The following NCKAP5 variants were observed in gnomAD, a reference collection of about 807,000 sequenced individuals.
NCKAP5 encodes nck-associated protein 5.
NCKAP5 carries 92 observed loss-of-function variants against 167.0 expected under a neutral mutation model. That is an observed-to-expected ratio of 0.55 (90% CI 0.47 to 0.66). The LOEUF (loss-of-function observed/expected upper bound fraction) is 0.66. NCKAP5 is among the 30% of genes least tolerant of loss of function. The pLI is 0.00. For missense variants in NCKAP5, 2,378 were observed against 2,315.0 expected, an observed-to-expected ratio of 1.03 and a Z score of -0.56; for synonymous variants, 891 against 877.4, an observed-to-expected ratio of 1.02 and a Z score of -0.27.
At chr2:133,225,805 T>TTTTC (rs1464681192) in intron 4 of NCKAP5, among the ~76,000 whole-genome samples, 2 of 142,112 alleles carry the variant, frequency 1.4e-5, no homozygotes, top group Non-Finnish European at 3.0e-5. Context: ...TTTTTTTTTT[T>TTTTC]CGGAGTCTCC....
intron 11 of NCKAP5, among the ~76,000 whole-genome samples, chr2:132,798,538 T>C (rs1201305078): frequency 6.6e-6 from 1 of 152,186 alleles, no homozygotes; most frequent in African/African-American, 2.4e-5. Context: ...CTCAATGGAT[T>C]AGCTATCTAA....
chr2:132,867,730 C>T (rs1690468744), intron 10 of NCKAP5, among the ~76,000 whole-genome samples: 1 of 152,168 alleles, frequency 6.6e-6, no homozygotes, highest in Non-Finnish European at 1.5e-5. Context: ...GCTAGGGACC[C>T]CAAGGACTTT....
chr2:133,130,556 A>C (rs2082564583), intron 5 of NCKAP5, among the ~76,000 whole-genome samples: 1 of 152,236 alleles, frequency 6.6e-6, no homozygotes. Flanking sequence ...CAAAAATTTC[A>C]AGTTAATTAG....
rs562084138 is a variant in NCKAP5 at position 132,779,907 on chromosome 2, C to T, written c.5049+1145G>A. Among the ~76,000 whole-genome samples the T allele has an allele frequency of 4.9e-4, 75 of 152,094 alleles. 1 individual carries two copies. Among genetic ancestry groups the T allele is most frequent in the South Asian group, 2.3e-3 (11 of 4,808 alleles). ...TTTCCCTCAGAAAATTGTAGTATGT[C>T]CTATATTTTAATAATCTCTTTATTA... is the stretch of plus-strand genomic sequence containing the variant. On this transcript the variant is annotated intron_variant, in intron 15 of 19. Coordinates refer to ENST00000409261, the MANE Select transcript of NCKAP5 (RefSeq NM_207363.3).
At chr2:133,054,986 T>G (rs182307682) in intron 6 of NCKAP5, among the ~76,000 whole-genome samples, 3 of 152,276 alleles carry the variant, frequency 2.0e-5, no homozygotes, top group East Asian at 3.9e-4. Flanking sequence ...GGCCTCACAG[T>G]TGTCTATTGA....
At chr2:132,842,120 C>G (rs1181233839) in intron 11 of NCKAP5, among the ~76,000 whole-genome samples, 2 of 152,060 alleles carry the variant, frequency 1.3e-5, no homozygotes, top group African/African-American at 4.8e-5. Flanking sequence ...GGACCTTTTT[C>G]AATGGTAGGT....
chr2:133,446,629 A>G (rs1188238043), intron 3 of NCKAP5, among the ~76,000 whole-genome samples: 2 of 152,218 alleles, frequency 1.3e-5, no homozygotes, highest in African/African-American at 2.4e-5. Context: ...CTGCCGCTCT[A>G]TCATGAGCCT....
chr2:133,635,379 C>T, the NCKAP5 span, among the ~76,000 whole-genome samples: 9 of 152,232 alleles, frequency 5.9e-5, no homozygotes, highest in South Asian at 1.9e-3. Context: ...AAAATGATGA[C>T]AATGCATAAA....
chr2:132,903,963 CAT>C (rs759972640), intron 8 of NCKAP5, among the ~76,000 whole-genome samples: 4 of 152,044 alleles, frequency 2.6e-5, no homozygotes, highest in Non-Finnish European at 5.9e-5. Flanking sequence ...TTTCTTGTGA[CAT>C]AGAGTAAATA....
chr2:132,819,216 C>T (rs1456767564), intron 11 of NCKAP5, among the ~76,000 whole-genome samples: 1 of 152,108 alleles, frequency 6.6e-6, no homozygotes, highest in Non-Finnish European at 1.5e-5. Context: ...CATGTGTGAA[C>T]AGGAATGGGT....
intron 3 of NCKAP5, among the ~76,000 whole-genome samples, chr2:133,381,742 T>C (rs1165865595): frequency 6.6e-6 from 1 of 152,228 alleles, no homozygotes; most frequent in Non-Finnish European, 1.5e-5. Flanking sequence ...AAATGGCCCC[T>C]AAAGCCATAG....
In NCKAP5 at chr2:132,783,839, A is replaced by G. The variant is rs1424675871; in HGVS notation, c.2972T>C (p.Val991Ala). 3 of 1,531,296 alleles carry G rather than the reference A, an allele frequency of 2.0e-6. No individual in the cohort carries two copies. The highest frequency in any genetic ancestry group is 2.6e-6 in the Non-Finnish European group (3 of 1,141,098). The allele number at this position is 1,531,296 out of a possible 1,614,324, so 94.9% of individuals were successfully genotyped here. A position where few individuals can be genotyped will look rare whatever the true frequency, so the allele number is the denominator to read the frequency against. The change falls in exon 14 of 20, where the codon GTG becomes GCG. Residue 991 changes from valine (V) to alanine (A), a missense_variant. Coordinates refer to ENST00000409261, the MANE Select transcript of NCKAP5 (RefSeq NM_207363.3). Reference protein sequence around the residue: ...VISSNPATTEVQRKKPSVAFK... With the variant: ...VISSNPATTEAQRKKPSVAFK... Reference sequence around the variant, plus strand: ...GGCCACAGAAGGTTTCTTCCTCTGCACTTCTGTCGTGGCCGGATTAGAAGA... The same window carrying G: ...GGCCACAGAAGGTTTCTTCCTCTGCGCTTCTGTCGTGGCCGGATTAGAAGA...
In NCKAP5 at chr2:132,784,068, G is replaced by C; in HGVS notation, c.2743C>G (p.His915Asp). ...DSGEPPTRDE[H>D]CGSGPEAGVK... ...CCTGCCTCCGGCCCAGAGCCACAGT[G>C]TTCATCCCTCGTGGGGGGCTCTCCA... The change falls in exon 14 of 20, where the codon CAC becomes GAC. Residue 915 changes from histidine to aspartate, a missense_variant. His to Asp is a moderately conservative substitution (Grantham distance 81). This residue lies in a region of NCKAP5 where 1,325 missense variants were observed against 1,274.5 expected (regional missense o/e 1.04). Coordinates refer to ENST00000409261, the MANE Select transcript of NCKAP5 (RefSeq NM_207363.3). 1 of 1,525,480 alleles carries C rather than the reference G, an allele frequency of 6.6e-7. No individual in the cohort carries two copies. Among genetic ancestry groups the C allele is most frequent in the Non-Finnish European group, 8.8e-7 (1 of 1,139,110 alleles). The allele number at this position is 1,525,480 out of a possible 1,614,324, so 94.5% of individuals were successfully genotyped here.
intron 11 of NCKAP5, among the ~76,000 whole-genome samples, chr2:132,819,303 C>G (rs1391715748): frequency 1.3e-5 from 2 of 152,148 alleles, no homozygotes. Context: ...GAGGAACTTA[C>G]GTTAATTCAA....
Position 133,354,943 on chromosome 2 carries a change from G to A in NCKAP5, c.70-51833C>T, listed in dbSNP as rs1684609452. ...TAGCTGAAAAATAAAACAATTCCAG[G>A]TGGTTAATATGGTGTGGAATAAAAT... On this transcript the variant is annotated intron_variant, in intron 3 of 19. Coordinates refer to ENST00000409261, the MANE Select transcript of NCKAP5 (RefSeq NM_207363.3). Among the ~76,000 whole-genome samples, 4 of 152,130 alleles carry A rather than the reference G, an allele frequency of 2.6e-5. No individual in the cohort carries two copies. The South Asian group carries it at 8.3e-4, about 32-fold the overall frequency.
In NCKAP5 at chr2:132,785,088, G is replaced by C. The variant is rs1435471607; in HGVS notation, c.1723C>G (p.Leu575Val). 4 of 1,613,948 alleles carry C rather than the reference G, an allele frequency of 2.5e-6. No homozygotes were observed. The African/African-American group carries it at 4.0e-5, about 16-fold the overall frequency. The change falls in exon 14 of 20, where the codon CTC (leucine) becomes GTC (valine). Residue 575 changes from leucine (L) to valine (V), a missense_variant. This residue lies in a region of NCKAP5 where 1,049 missense variants were observed against 1,023.4 expected (regional missense o/e 1.02). Transcript: ENST00000409261. ...PQGQGHGRMA[L>V]NLQLSDTDDN... ...TCAGTGTCTGAAAGCTGGAGGTTGA[G>C]AGCCATGCGGCCATGGCCTTGGCCC...
At chr2:132,681,395 T>C (rs1053501683) in intron 19 of NCKAP5, among the ~76,000 whole-genome samples, 3 of 151,942 alleles carry the variant, frequency 2.0e-5, no homozygotes, top group Non-Finnish European at 4.4e-5. Context: ...CTTAAATATG[T>C]CTTAAAGCCT....
At chr2:133,667,665 G>A in the NCKAP5 span, among the ~76,000 whole-genome samples, 2 of 151,934 alleles carry the variant, frequency 1.3e-5, no homozygotes, top group Admixed American at 6.6e-5. Context: ...TTTGATATAT[G>A]GCATATTGAC....
chr2:132,756,441 G>A (rs546270127), intron 16 of NCKAP5, among the ~76,000 whole-genome samples: 13 of 152,060 alleles, frequency 8.5e-5, no homozygotes, highest in African/African-American at 1.2e-4. Flanking sequence ...AGTTAGACAC[G>A]CAGAGAGACA....
Sources: gnomAD v4.1 joint callset for allele counts (sites outside exome capture counted in the v4.1 genomes callset) on GRCh38, gnomAD v4.1.1 for gene constraint, gnomAD v4.1.1 regional missense constraint, MANE v1.5 for transcripts, NCBI Gene and HGNC (gene_info 2026-07-23, HGNC 2026-07-21) for gene names.